Variants in PKD1L3 observed in about 807,000 individuals in gnomAD.
PKD1L3 encodes polycystin 1 like 3, transient receptor potential channel interacting.
PKD1L3 carries 239 observed loss-of-function variants against 184.1 expected under a neutral mutation model. The ratio of observed to expected loss-of-function variants is 1.30; its 90% CI spans 1.17 to 1.45. The LOEUF (loss-of-function observed/expected upper bound fraction) is 1.45, where lower values mean the gene tolerates loss of function less well. Ranked by LOEUF, PKD1L3 falls within the 40% of genes most tolerant of loss-of-function variation. PKD1L3 has a pLI of 0.00. For missense variants in PKD1L3, 2,660 were observed against 2,067.2 expected (o/e 1.29, Z -5.56); for synonymous variants, 996 against 778.8 (o/e 1.28, Z -4.64).
chr16:71,939,039 G>A (rs2038274435), intron 24 of PKD1L3, among the ~76,000 whole-genome samples: 1 of 152,270 alleles, frequency 6.6e-6, no homozygotes, highest in Admixed American at 6.5e-5. Flanking sequence ...CTGAGCCAGG[G>A]CTGTGACACC....
chr16:71,934,211 C>G, intron 26 of PKD1L3, 86 bp from the exon 27 acceptor site: 1 of 1,272,298 alleles, frequency 7.9e-7, no homozygotes, highest in Non-Finnish European at 1.1e-6. Flanking sequence ...CTGATCGTGG[C>G]AGCCCTGAGT....
At chr16:71,973,773 G>C (rs945758415) in intron 11 of PKD1L3, among the ~76,000 whole-genome samples, 1 of 152,016 alleles carries the variant, frequency 6.6e-6, no homozygotes, top group Non-Finnish European at 1.5e-5. Context: ...AAGCTGATGC[G>C]GGCGGATCAC....
At chr16:71,964,537 C>CCA (rs1407817308) in intron 15 of PKD1L3, among the ~76,000 whole-genome samples, 1 of 151,368 alleles carries the variant, frequency 6.6e-6, no homozygotes, top group Non-Finnish European at 1.5e-5. Flanking sequence ...TGGGGTTTCA[C>CCA]TGTGTTATAG....
At chr16:71,950,498 G>T (rs888317734) in intron 19 of PKD1L3, among the ~76,000 whole-genome samples, 188 bp from the exon 20 acceptor site, 1 of 152,112 alleles carries the variant, frequency 6.6e-6, no homozygotes, top group Non-Finnish European at 1.5e-5. Context: ...TTTAACAATT[G>T]TAAAATTCTA....
intron 12 of PKD1L3, among the ~76,000 whole-genome samples, chr16:71,972,314 G>T (rs745900034): frequency 6.6e-6 from 1 of 152,188 alleles, no homozygotes; most frequent in African/African-American, 2.4e-5. Context: ...CAGGAGAATC[G>T]CTTGAGCCCA....
intron 15 of PKD1L3, 140 bp from the exon 16 acceptor site, chr16:71,963,491 G>C (rs2039366590): frequency 9.7e-6 from 9 of 924,788 alleles, no homozygotes; most frequent in Non-Finnish European, 1.4e-5. Context: ...GGAAAGGAAA[G>C]AAAGTTGAGG....
Position 71,967,318 on chromosome 16 carries a change from A to G in PKD1L3, c.2287-3T>C, listed in dbSNP as rs779330258. ...GATCCATAGAGGGTGATGACAACCT[A>G]CAATGAGACAGGGAAAGATAAAATA... On this transcript the variant is annotated splice_region_variant and splice_polypyrimidine_tract_variant and intron_variant, in intron 14 of 29. Transcript: ENST00000620267. 750 of 1,548,328 alleles carry G rather than the reference A, an allele frequency of 4.8e-4. 1 individual carries two copies. The highest frequency in any genetic ancestry group is 6.0e-4 in the Non-Finnish European group (691 of 1,145,692).
chr16:71,967,993 G>A lies in PKD1L3; in HGVS notation c.2199C>T (p.Val733=), dbSNP rs1435357676. The change falls in exon 14 of 30, where the codon GTC becomes GTT. Residue 733 remains valine, a synonymous_variant. Coordinates refer to ENST00000620267, the MANE Select transcript of PKD1L3 (RefSeq NM_181536.2). ...QADMQKVKVT[V]LADNDPSAQF... ...GAGCGCTGGGGTCATTATCAGCCAG[G>A]ACAGTGACCTTCACCTGCAAGAAAA... 3 of 1,551,400 alleles carry A rather than the reference G, an allele frequency of 1.9e-6. No homozygotes were observed. The East Asian group carries it at 7.3e-5, about 38-fold the overall frequency.
intron 10 of PKD1L3, 94 bp from the exon 11 acceptor site, chr16:71,977,561 T>TTC: frequency 2.5e-6 from 1 of 392,196 alleles, no homozygotes; most frequent in Non-Finnish European, 4.0e-6. Context: ...GTCCTAGCTC[T>TTC]TTTTTTTTTT....
intron 19 of PKD1L3, among the ~76,000 whole-genome samples, chr16:71,951,239 CA>C (rs1182907481): frequency 6.6e-6 from 1 of 152,130 alleles, no homozygotes. Context: ...AGGGTTTCGC[CA>C]TGTTGGCTAG....
chr16:71,932,549 C>G (rs1422527749), intron 28 of PKD1L3, among the ~76,000 whole-genome samples: 1 of 152,054 alleles, frequency 6.6e-6, no homozygotes, highest in African/African-American at 2.4e-5. Context: ...TCTCAGCTCA[C>G]TGCAACCTCC....
At chr16:71,953,365 A>G (rs979031978) in intron 17 of PKD1L3, among the ~76,000 whole-genome samples, 1 of 142,534 alleles carries the variant, frequency 7.0e-6, no homozygotes. Context: ...ACACTGCTAT[A>G]AAGAACTATC....
rs201238615 is a variant in PKD1L3, at chr16:71,944,157, C to T, written c.3732G>A (p.Ser1244=). Residue 1244 remains serine, a synonymous_variant, in exon 23 of 30, where the codon TCG becomes TCA. Transcript: ENST00000620267. ...RILALLAKCS[S]SVPGSRDKNN... is the part of the protein sequence containing the mutation. ...TCTTATCTCTTGAACCTGGTACTGA[C>T]GAAGAACATTTTGCTGTCAAAAATT... 2.1e-5 allele frequency: 33 copies of T among 1,549,336 alleles called. No homozygotes were observed. The highest frequency in any genetic ancestry group is 9.8e-5 in the East Asian group (4 of 40,894).
At chr16:71,995,326 G>C (rs1252285151) in intron 2 of PKD1L3, among the ~76,000 whole-genome samples, 1 of 152,136 alleles carries the variant, frequency 6.6e-6, no homozygotes, top group Non-Finnish European at 1.5e-5. Context: ...TTTTGGAAGG[G>C]GCACATTCAA....
chr16:71,943,448 G>C (rs932662545), intron 23 of PKD1L3, among the ~76,000 whole-genome samples: 3 of 138,480 alleles, frequency 2.2e-5, no homozygotes, highest in Non-Finnish European at 3.0e-5. Flanking sequence ...CGAGGTAGGA[G>C]AATCGCTAGA....
At chr16:71,959,603 T>A (rs192105624) in intron 16 of PKD1L3, among the ~76,000 whole-genome samples, 1 of 152,256 alleles carries the variant, frequency 6.6e-6, no homozygotes, top group Non-Finnish European at 1.5e-5. Flanking sequence ...GGAGAGAGGT[T>A]ACTCAAGAAC....
intron 16 of PKD1L3, among the ~76,000 whole-genome samples, chr16:71,958,683 A>G (rs1410416401): frequency 1.3e-5 from 2 of 148,234 alleles, no homozygotes; most frequent in East Asian, 4.1e-4. Flanking sequence ...CAGGAGGCTG[A>G]GGCAGGAGAA....
At chr16:71,929,714 A>G (rs940322285) in intron 29 of PKD1L3, 36 bp from the exon 30 acceptor site, 3 of 1,496,768 alleles carry the variant, frequency 2.0e-6, no homozygotes, top group Non-Finnish European at 2.7e-6. Flanking sequence ...AAGTGAGAAA[A>G]TTGAAATTAC....
intron 27 of PKD1L3, 99 bp downstream of exon 27, chr16:71,933,816 C>A: frequency 7.6e-7 from 1 of 1,317,092 alleles, no homozygotes. Context: ...TCCTACTGTA[C>A]CACCTCGGGT....
Sources: allele counts gnomAD v4.1 joint callset (sites outside exome capture counted in the v4.1 genomes callset), GRCh38; gene constraint gnomAD v4.1.1; transcripts MANE v1.5; gene names NCBI Gene and HGNC (gene_info 2026-07-23, HGNC 2026-07-21).